KCNMA1: variants seen among roughly 807,000 people sequenced by gnomAD.
The protein encoded by KCNMA1 is Calcium-activated potassium channel subunit alpha-1.
In KCNMA1, 29 loss-of-function variants were observed where a neutral mutation model predicts 140.0. The ratio of observed to expected loss-of-function variants is 0.21; its 90% confidence interval spans 0.15 to 0.28. The LOEUF is 0.28. Ranked by LOEUF, KCNMA1 falls within the 10% of genes least tolerant of loss-of-function variation. The pLI is 1.00. For synonymous variants in KCNMA1, 612 were observed against 611.9 expected (o/e 1.00, Z 0.00); for missense variants, 880 against 1,602.2 (o/e 0.55, Z 7.70).
downstream of KCNMA1, chr10:76,877,682 C>T (rs1475843789): frequency 3.3e-6 from 5 of 1,508,396 alleles, no homozygotes; most frequent in Non-Finnish European, 4.5e-6. Flanking sequence ...AGAAAAGTCA[C>T]ATCACCATTT....
chr10:77,429,195 C>T (rs1026201959), intron 1 of KCNMA1, among the ~76,000 whole-genome samples: 8 of 152,112 alleles, frequency 5.3e-5, no homozygotes, highest in Non-Finnish European at 1.0e-4. Flanking sequence ...ATGCCAAGTT[C>T]GGAAGGGTCA....
intron 2 of KCNMA1, among the ~76,000 whole-genome samples, chr10:77,357,650 T>C (rs866153280): frequency 1.2e-4 from 18 of 152,238 alleles, no homozygotes; most frequent in African/African-American, 4.3e-4. Context: ...AAATTTCCCA[T>C]GAGACGCAAT....
chr10:77,286,867 A>G (rs1018933678), intron 2 of KCNMA1, among the ~76,000 whole-genome samples: 5 of 151,444 alleles, frequency 3.3e-5, no homozygotes, highest in African/African-American at 1.2e-4. Flanking sequence ...CATACCTTCC[A>G]TCTCTGTCCA....
At chr10:77,008,455 C>G (rs1170466614) in intron 18 of KCNMA1, among the ~76,000 whole-genome samples, 1 of 152,134 alleles carries the variant, frequency 6.6e-6, no homozygotes, top group Non-Finnish European at 1.5e-5. Context: ...TGCTCCTCGG[C>G]CAGACAGCTG....
chr10:77,415,345 A>T (rs541375065), intron 1 of KCNMA1, among the ~76,000 whole-genome samples: 2 of 152,272 alleles, frequency 1.3e-5, no homozygotes, highest in South Asian at 4.1e-4. Flanking sequence ...AGCCATAGAG[A>T]CTTTGAATTG....
intron 1 of KCNMA1, among the ~76,000 whole-genome samples, chr10:77,609,899 A>G (rs994080072): frequency 3.3e-4 from 50 of 152,338 alleles, no homozygotes; most frequent in Admixed American, 2.1e-3. Context: ...AGCAGTGGAC[A>G]AAACCTTCCA....
At chr10:77,190,703 G>T (rs553067043) in intron 3 of KCNMA1, among the ~76,000 whole-genome samples, 86 of 152,286 alleles carry the variant, frequency 5.6e-4, no homozygotes, top group Non-Finnish European at 1.0e-3. Flanking sequence ...CCCTAACCCT[G>T]CTCTGTAGAG....
chr10:76,929,761 A>G (rs1430732397), intron 23 of KCNMA1, among the ~76,000 whole-genome samples: 1 of 152,142 alleles, frequency 6.6e-6, no homozygotes, highest in Admixed American at 6.5e-5. Flanking sequence ...AGAATGTTAA[A>G]AGTTCCCCAG....
intron 5 of KCNMA1, among the ~76,000 whole-genome samples, chr10:77,143,990 G>A (rs2098237542): frequency 6.6e-6 from 1 of 152,122 alleles, no homozygotes; most frequent in Non-Finnish European, 1.5e-5. Flanking sequence ...GTAAAATGGT[G>A]TATCTTCCTT....
chr10:77,267,113 G>A (rs1484426030), intron 2 of KCNMA1, among the ~76,000 whole-genome samples: 2 of 152,190 alleles, frequency 1.3e-5, no homozygotes, highest in African/African-American at 2.4e-5. Context: ...GAGTGAAGAA[G>A]ATGAAGACTA....
At chr10:77,197,484 T>C (rs2040908150) in intron 3 of KCNMA1, among the ~76,000 whole-genome samples, 1 of 152,220 alleles carries the variant, frequency 6.6e-6, no homozygotes, top group African/African-American at 2.4e-5. Flanking sequence ...ATCTCTCTCT[T>C]TTCCAATGTC....
intron 1 of KCNMA1, among the ~76,000 whole-genome samples, chr10:77,535,097 C>T (rs750475206): frequency 1.3e-5 from 2 of 152,152 alleles, no homozygotes; most frequent in African/African-American, 2.4e-5. Context: ...ATGAAGGTGG[C>T]GCATGAATTA....
At chr10:77,388,223 C>G (rs1426823827) in intron 2 of KCNMA1, among the ~76,000 whole-genome samples, 1 of 152,226 alleles carries the variant, frequency 6.6e-6, no homozygotes, top group African/African-American at 2.4e-5. Context: ...GAAATAAGAA[C>G]TGGTATGAAG....
intron 19 of KCNMA1, among the ~76,000 whole-genome samples, chr10:76,987,934 T>C (rs2081729209): frequency 1.3e-5 from 2 of 152,028 alleles, no homozygotes; most frequent in Admixed American, 1.3e-4. Flanking sequence ...AATACTAAAG[T>C]TGGTGGTGGT....
intron 2 of KCNMA1, among the ~76,000 whole-genome samples, chr10:77,312,762 T>C (rs609753): frequency 0.84 from 127,109 of 152,160 alleles, 53,272 homozygotes; most frequent in Middle Eastern, 0.9. Flanking sequence ...TAGCAGGGGA[T>C]AGCTGAGGGC....
At position 77,392,005 on chromosome 10, in the gene KCNMA1, GAA is replaced by G. The variant is rs556684328; in HGVS notation, c.540+11855_540+11856del. 3.5e-3 allele frequency among the ~76,000 whole-genome samples: 530 copies of G among 151,186 alleles called. 7 individuals are homozygous for G. Among genetic ancestry groups the G allele is most frequent in the Middle Eastern group, 0.031 (9 of 294 alleles). ...AGGCCTTGGGGGAAAACCTGGGTAA[GAA>G]AAGTCTCCCAGCCCAACTCAGTAGC... is the stretch of plus-strand genomic sequence containing the variant. On this transcript the variant is annotated intron_variant, in intron 2 of 27. Coordinates refer to ENST00000286628, the MANE Select transcript of KCNMA1 (RefSeq NM_001161352.2).
chr10:77,181,664 G>A (rs529491105), intron 5 of KCNMA1, among the ~76,000 whole-genome samples: 5 of 152,284 alleles, frequency 3.3e-5, no homozygotes, highest in South Asian at 2.1e-4. Flanking sequence ...CCAGGGCCAC[G>A]TAAGTTACAC....
chr10:77,305,728 T>C (rs1214215652), intron 2 of KCNMA1, among the ~76,000 whole-genome samples: 1 of 152,168 alleles, frequency 6.6e-6, no homozygotes, highest in Admixed American at 6.5e-5. Flanking sequence ...TACCTGTCAT[T>C]CTCTTTCCAA....
intron 1 of KCNMA1, among the ~76,000 whole-genome samples, chr10:77,491,772 G>T (rs1290900276): frequency 6.6e-6 from 1 of 150,752 alleles, no homozygotes; most frequent in African/African-American, 2.5e-5. Flanking sequence ...ATACCACCAG[G>T]GAGTCTAATT....
Sources: allele counts gnomAD v4.1 joint callset (sites outside exome capture counted in the v4.1 genomes callset), GRCh38; gene constraint gnomAD v4.1.1; transcripts MANE v1.5; gene names NCBI Gene and HGNC (gene_info 2026-07-23, HGNC 2026-07-21).